The following SGSM3 variants were observed in gnomAD, a reference collection of about 807,000 sequenced individuals.
The protein encoded by SGSM3 is small G protein signaling modulator 3, also known as RUN and SH3 containing 3.
Under a neutral mutation model 100.5 loss-of-function variants are expected in SGSM3, and 96 were observed. That is an observed-to-expected ratio of 0.96 (90% CI 0.81 to 1.13). The LOEUF (loss-of-function observed/expected upper bound fraction) is 1.13, where lower values mean the gene tolerates loss of function less well. Among genes scored for constraint, SGSM3 ranks in the 50% most tolerant of loss-of-function variants. The pLI is 0.00. For synonymous variants in SGSM3, 483 were observed against 422.8 expected (o/e 1.14, Z -1.75); for missense variants, 1,001 against 1,015.8 (o/e 0.99, Z 0.20).
intron 1 of SGSM3, among the ~76,000 whole-genome samples, chr22:40,375,722 A>G (rs1215087017): frequency 2.0e-5 from 3 of 151,044 alleles, no homozygotes; most frequent in African/African-American, 4.9e-5. Flanking sequence ...TTCTCTAGAT[A>G]TCTAATTAGC....
rs1045773 is a variant in SGSM3, at chr22:40,409,963, C to G, written c.*204C>G. On this transcript the variant is annotated 3_prime_UTR_variant, in exon 22 of 22. Transcript: ENST00000248929. ...CCCCACCAGGGTCCTTAGGGATGCT[C>G]TAGGCCAAACCACAGTTTGTACCAA... The G allele has an allele frequency of 1.5e-6, 2 of 1,372,362 alleles. No individual in the cohort carries two copies. The highest frequency in any genetic ancestry group is 5.7e-5 in the East Asian group (2 of 35,040). The allele number at this position is 1,372,362 out of a possible 1,614,324, so 85.0% of individuals were successfully genotyped here.
chr22:40,408,300 G>C lies in SGSM3; in HGVS notation c.1653G>C (p.Ser551=). 6.2e-7 allele frequency: 1 copy of C among 1,613,596 alleles called. No individual in the cohort carries two copies. The change falls in exon 16 of 22, where the codon TCG becomes TCC. Residue 551 remains serine, a synonymous_variant. Transcript: ENST00000248929. ...AGTACTCCATCGCGGGGGATGACTCGGTGACGGAGGGGGTCACAGACCTCG... is the reference window on the plus strand; with the variant it reads ...AGTACTCCATCGCGGGGGATGACTCCGTGACGGAGGGGGTCACAGACCTCG... ...SKEYSIAGDD[S]VTEGVTDLVR...
At chr22:40,379,611 A>G (rs1277260270) in intron 1 of SGSM3, 1 of 152,236 alleles carries the variant, frequency 6.6e-6, no homozygotes, top group African/African-American at 2.4e-5. Flanking sequence ...CATATCCCTC[A>G]GTGAGTTATT....
At chr22:40,402,253 G>A (rs754545249) in intron 4 of SGSM3, 48 bp downstream of exon 4, 4 of 1,424,160 alleles carry the variant, frequency 2.8e-6, no homozygotes, top group Non-Finnish European at 4.0e-6. Context: ...GTTCTTTGGG[G>A]AGGACTCCGC....
intron 1 of SGSM3, among the ~76,000 whole-genome samples, chr22:40,384,383 G>T (rs1601823043): frequency 6.6e-6 from 1 of 152,128 alleles, no homozygotes; most frequent in East Asian, 1.9e-4. Flanking sequence ...AGGAAACACA[G>T]ATTTTAAGCC....
intron 1 of SGSM3, among the ~76,000 whole-genome samples, chr22:40,381,229 C>T (rs1220512991): frequency 6.6e-6 from 1 of 151,840 alleles, no homozygotes; most frequent in African/African-American, 2.4e-5. Context: ...CTCATTGCAA[C>T]CTCCACCTCC....
In SGSM3 at chr22:40,400,775, A is replaced by G; in HGVS notation, c.-32A>G. ...CAGGATAGGAGACTTCTAAGATTGG[A>G]GCTGCAGAAGACTTGCCAGCCCACC... On this transcript the variant is annotated 5_prime_UTR_variant, in exon 2 of 22. Coordinates refer to ENST00000248929, the MANE Select transcript of SGSM3 (RefSeq NM_015705.6). 6.4e-7 allele frequency: 1 copy of G among 1,551,102 alleles called. No homozygotes were observed. Among genetic ancestry groups the G allele is most frequent in the Non-Finnish European group, 8.7e-7 (1 of 1,146,524 alleles).
chr22:40,405,708 C>T lies in SGSM3; in HGVS notation c.678C>T (p.Ala226=), dbSNP rs1330558344. ...AGGACGCCTTCTGGATGATGTCTGC[C>T]ATCATCGAGGACCTGCTCCCCGCCT... is the stretch of plus-strand genomic sequence containing the variant. ...EEEDAFWMMS[A]IIEDLLPASY... The change falls in exon 8 of 22, where the codon GCC becomes GCT. Residue 226 remains alanine (A), a synonymous_variant. Coordinates refer to ENST00000248929, the MANE Select transcript of SGSM3 (RefSeq NM_015705.6). The T allele has an allele frequency of 1.2e-6, 2 of 1,613,752 alleles. No homozygotes were observed. The highest frequency in any genetic ancestry group is 1.7e-6 in the Non-Finnish European group (2 of 1,179,946).
intron 10 of SGSM3, 43 bp from the exon 11 acceptor site, chr22:40,406,974 C>G (rs767035707): frequency 6.5e-7 from 1 of 1,549,246 alleles, no homozygotes; most frequent in South Asian, 1.2e-5. Context: ...GGTTCTCTTC[C>G]TCCCGGGGCC....
chr22:40,404,718 A>G (rs1452999279), intron 6 of SGSM3, 54 bp downstream of exon 6: 2 of 1,296,510 alleles, frequency 1.5e-6, no homozygotes, highest in Non-Finnish European at 2.2e-6. Flanking sequence ...GGCTCGCAGG[A>G]GAGAGGGAGC....
At chr22:40,371,558 A>G (rs1251238005) in intron 1 of SGSM3, among the ~76,000 whole-genome samples, 2 of 152,330 alleles carry the variant, frequency 1.3e-5, no homozygotes, top group East Asian at 1.9e-4. Context: ...GTTTGTGATT[A>G]GGTTTATAGG....
At chr22:40,408,165 C>T (rs777731550) in intron 15 of SGSM3, 45 bp downstream of exon 15, 2 of 1,609,706 alleles carry the variant, frequency 1.2e-6, no homozygotes, top group South Asian at 2.2e-5. Context: ...CCCTTCTAGC[C>T]AGGGCCTGCG....
At position 40,408,355 on chromosome 22, in the gene SGSM3, G is replaced by A; in HGVS notation, c.1708G>A (p.Ala570Thr). ...VRGTLCPALK[A>T]LFEHGLKKPS... ...AGGGACCCTCTGCCCGGCCCTTAAG[G>A]CCCTGTTCGAACATGGACTGAAGAA... Residue 570 changes from alanine to threonine, a missense_variant, in exon 16 of 22, where the codon GCC becomes ACC. Ala to Thr is a moderately conservative substitution (Grantham distance 58). Coordinates refer to ENST00000248929, the MANE Select transcript of SGSM3 (RefSeq NM_015705.6). 4 of 1,613,588 alleles carry A rather than the reference G, an allele frequency of 2.5e-6. No homozygotes were observed. The highest frequency in any genetic ancestry group is 3.4e-6 in the Non-Finnish European group (4 of 1,180,012).
chr22:40,405,051 A>T, intron 6 of SGSM3, 90 bp from the exon 7 acceptor site: 1 of 1,431,514 alleles, frequency 7.0e-7, no homozygotes, highest in Admixed American at 2.6e-5. Context: ...AGGAATCCCC[A>T]TTTCTGGGGG....
At chr22:40,371,982 G>A (rs932422996) in intron 1 of SGSM3, among the ~76,000 whole-genome samples, 5 of 152,248 alleles carry the variant, frequency 3.3e-5, no homozygotes, top group Middle Eastern at 3.4e-3. Flanking sequence ...TTACAGGCGT[G>A]AGCCACTGCG....
Position 40,409,172 on chromosome 22 carries a change from G to C in SGSM3, c.1989-78G>C, listed in dbSNP as rs1333508719. 1.9e-5 allele frequency: 29 copies of C among 1,557,004 alleles called. No homozygotes were observed. In the East Asian group the frequency reaches 6.1e-4, roughly 33 times the overall value. ...GTGGTCTGGGAGCTGCTGAGAGACA[G>C]GTCAGAGGCTTCCACCGTGGCTGCA... is the stretch of plus-strand genomic sequence containing the variant. On this transcript the variant is annotated intron_variant, in intron 19 of 21. Transcript: ENST00000248929.
In SGSM3 at chr22:40,406,322, C is replaced by T. The variant is rs78132563; in HGVS notation, c.960+99C>T. 9.7e-3 allele frequency: 14,894 copies of T among 1,539,186 alleles called. 676 individuals carry two copies. The African/African-American group carries it at 0.13, about 13-fold the overall frequency. On this transcript the variant is annotated intron_variant, in intron 9 of 21. Transcript: ENST00000248929. ...GGGCCAGGCAAGACCAGCCCCCTGG[C>T]CCCTGACAACTGTGCCAAGGCAAAC...
rs1208663663 is a variant in SGSM3, at chr22:40,409,499, G to A, written c.2146G>A (p.Asp716Asn). The A allele has an allele frequency of 3.1e-6, 5 of 1,593,794 alleles. No individual in the cohort carries two copies. The South Asian group carries it at 5.6e-5, about 18-fold the overall frequency. The change falls in exon 21 of 22, where the codon GAC (aspartate) becomes AAC (asparagine). Residue 716 changes from aspartate to asparagine, a missense_variant. By Grantham distance (23) the Asp-to-Asn change is conservative. Coordinates refer to ENST00000248929, the MANE Select transcript of SGSM3 (RefSeq NM_015705.6). The stretch of plus-strand genomic sequence containing the variant: ...CTGCTTTGCCTTCAGCCTCTCCCAG[G>A]ACTGGGAGCTCCCTGCGAAGAGAGA... ...LCCFAFSLSQ[D>N]WELPAKREAQ...
intron 1 of SGSM3, among the ~76,000 whole-genome samples, chr22:40,391,300 A>G (rs2049333356): frequency 6.6e-6 from 1 of 152,046 alleles, no homozygotes; most frequent in Admixed American, 6.6e-5. Context: ...ATTCTGATAC[A>G]CTCTGTATTT....
Sources: allele counts gnomAD v4.1 joint callset (sites outside exome capture counted in the v4.1 genomes callset), GRCh38; gene constraint gnomAD v4.1.1; transcripts MANE v1.5; gene names NCBI Gene and HGNC (gene_info 2026-07-23, HGNC 2026-07-21).